Variants in UBE2N observed in about 807,000 individuals in gnomAD.
UBE2N encodes the protein ubiquitin conjugating enzyme E2 N.
For synonymous variants in UBE2N, 70 were observed against 69.2 expected (o/e 1.01, Z -0.06); for missense variants, 60 against 192.1 (o/e 0.31, Z 4.07).
At chr12:93,416,777 G>C (rs1878225696) in intron 1 of UBE2N, among the ~76,000 whole-genome samples, 1 of 150,970 alleles carries the variant, frequency 6.6e-6, no homozygotes, top group Admixed American at 6.6e-5. Flanking sequence ...CACTTTGGGA[G>C]GCTGAGGCAG....
chr12:93,432,761 C>T (rs1366581578), intron 1 of UBE2N, among the ~76,000 whole-genome samples: 1 of 152,086 alleles, frequency 6.6e-6, no homozygotes, highest in East Asian at 1.9e-4. Flanking sequence ...ACAACATAGC[C>T]AGTTGTTTTA....
intron 1 of UBE2N, among the ~76,000 whole-genome samples, chr12:93,440,244 A>G (rs1341268661): frequency 6.6e-6 from 1 of 152,202 alleles, no homozygotes; most frequent in Non-Finnish European, 1.5e-5. Flanking sequence ...GGGCCTCAAT[A>G]AACATGACCT....
intron 1 of UBE2N, among the ~76,000 whole-genome samples, chr12:93,432,695 G>A (rs542814670): frequency 4.0e-5 from 6 of 151,884 alleles, no homozygotes; most frequent in African/African-American, 1.4e-4. Flanking sequence ...TAACCAAACT[G>A]ACAGAGACAT....
intron 1 of UBE2N, among the ~76,000 whole-genome samples, chr12:93,414,574 C>T (rs1358506901): frequency 6.6e-6 from 1 of 152,098 alleles, no homozygotes; most frequent in Non-Finnish European, 1.5e-5. Flanking sequence ...CATCCCCTAA[C>T]CTTCTCTGTT....
At position 93,411,279 on chromosome 12, in the gene UBE2N, T is replaced by C. The variant is rs747879478; in HGVS notation, c.51A>G (p.Ala17=). 21 of 1,605,990 alleles carry C rather than the reference T, an allele frequency of 1.3e-5. No individual in the cohort carries two copies. Among genetic ancestry groups the C allele is most frequent in the Non-Finnish European group, 1.5e-5 (18 of 1,174,922 alleles). ...CGGCTTTGATGCCAGGAACTGGTTC[T>C]GCCAGCAAACGCTGGGTTTCCTATG... is the stretch of plus-strand genomic sequence containing the variant. The part of the protein sequence containing the change: ...RIIKETQRLL[A]EPVPGIKAEP... Residue 17 remains alanine, a synonymous_variant, in exon 2 of 4, where the codon GCA becomes GCG. Transcript: ENST00000318066.
chr12:93,419,480 A>G (rs1592743934), intron 1 of UBE2N, among the ~76,000 whole-genome samples: 1 of 152,366 alleles, frequency 6.6e-6, no homozygotes, highest in East Asian at 1.9e-4. Flanking sequence ...CACTCACAAG[A>G]TTGTGTTTGA....
At chr12:93,416,002 C>G (rs901789053) in intron 1 of UBE2N, among the ~76,000 whole-genome samples, 5 of 152,190 alleles carry the variant, frequency 3.3e-5, no homozygotes. Flanking sequence ...GTGACCTGAT[C>G]AAGCCTAGAT....
intron 1 of UBE2N, among the ~76,000 whole-genome samples, chr12:93,417,877 A>T (rs1305537159): frequency 1.3e-5 from 2 of 152,220 alleles, no homozygotes; most frequent in Non-Finnish European, 2.9e-5. Context: ...TTTGTAAGAT[A>T]AAACAAACGG....
chr12:93,439,495 G>T (rs1879038270), intron 1 of UBE2N, among the ~76,000 whole-genome samples: 1 of 152,048 alleles, frequency 6.6e-6, no homozygotes, highest in African/African-American at 2.4e-5. Context: ...AAAACAGAAA[G>T]AAAAGAAGAA....
At chr12:93,413,319 A>T (rs890943712) in intron 1 of UBE2N, among the ~76,000 whole-genome samples, 1 of 152,002 alleles carries the variant, frequency 6.6e-6, no homozygotes, top group Non-Finnish European at 1.5e-5. Context: ...CTATCTCCCA[A>T]CATCGCAACA....
At chr12:93,427,140 G>C (rs745957383) in intron 1 of UBE2N, among the ~76,000 whole-genome samples, 1 of 151,754 alleles carries the variant, frequency 6.6e-6, no homozygotes, top group Non-Finnish European at 1.5e-5. Flanking sequence ...GGCTGGTCTC[G>C]AGCTCCTGAC....
Position 93,419,197 on chromosome 12 carries a change from C to T in UBE2N, c.31-7898G>A, listed in dbSNP as rs558338164. 2.1e-3 allele frequency among the ~76,000 whole-genome samples: 313 copies of T among 152,180 alleles called. 1 individual carries two copies. The highest frequency in any genetic ancestry group is 6.6e-3 in the African/African-American group (273 of 41,530). On this transcript the variant is annotated intron_variant, in intron 1 of 3. Coordinates refer to ENST00000318066, the MANE Select transcript of UBE2N (RefSeq NM_003348.4). ...GGCAGATCACCTGAGGTCAGGAGTT[C>T]GAGACCAACATGGAGAAACCCTGTC...
Position 93,411,901 on chromosome 12 carries a change from A to T in UBE2N, c.31-602T>A, listed in dbSNP as rs370214026. On this transcript the variant is annotated intron_variant, in intron 1 of 3. Coordinates refer to ENST00000318066, the MANE Select transcript of UBE2N (RefSeq NM_003348.4). ...TAGAGACGGTATCACCCTGTTGGCCAGGCTGGTCTTGAACTCCTGGCCTCA... is the reference window on the plus strand; with the variant it reads ...TAGAGACGGTATCACCCTGTTGGCCTGGCTGGTCTTGAACTCCTGGCCTCA... Among the ~76,000 whole-genome samples the T allele has an allele frequency of 6.2e-4, 94 of 152,230 alleles. 3 individuals are homozygous for T. The South Asian group carries it at 0.019, about 31-fold the overall frequency.
At chr12:93,440,372 G>T (rs955036607) in intron 1 of UBE2N, among the ~76,000 whole-genome samples, 4 of 152,092 alleles carry the variant, frequency 2.6e-5, no homozygotes, top group African/African-American at 9.7e-5. Flanking sequence ...ACAAATTTCG[G>T]ACTATGAAGA....
rs1343366470 is a variant in UBE2N, at chr12:93,408,799, G to C, written c.*1240C>G. 4 of 152,396 alleles carry C rather than the reference G, an allele frequency of 2.6e-5. No individual in the cohort carries two copies. The highest frequency in any genetic ancestry group is 4.8e-5 in the African/African-American group (2 of 41,452). The allele number at this position is 152,396 out of a possible 1,614,324, so 9.4% of individuals were successfully genotyped here. A position where few individuals can be genotyped will look rare whatever the true frequency, so the allele number is the denominator to read the frequency against. On this transcript the variant is annotated 3_prime_UTR_variant, in exon 4 of 4. Transcript: ENST00000318066. ...AACCTTTCTGATGACACACAAGCTA[G>C]ATAGTTGAGATCTGCTCATCAGGTT... is the stretch of plus-strand genomic sequence containing the variant.
intron 1 of UBE2N, among the ~76,000 whole-genome samples, chr12:93,435,778 C>G (rs1878916891): frequency 6.6e-6 from 1 of 152,136 alleles, no homozygotes; most frequent in Non-Finnish European, 1.5e-5. Flanking sequence ...AAACTCAAGT[C>G]TCAATGTAAA....
chr12:93,413,684 GGTT>G (rs1296840531), intron 1 of UBE2N, among the ~76,000 whole-genome samples: 1 of 152,044 alleles, frequency 6.6e-6, no homozygotes, highest in East Asian at 1.9e-4. Context: ...TTGGCAAATT[GGTT>G]TTTTTTATAC....
intron 1 of UBE2N, 49 bp downstream of exon 1, chr12:93,441,806 G>A (rs1162416505): frequency 3.8e-6 from 6 of 1,573,350 alleles, no homozygotes; most frequent in Middle Eastern, 1.8e-4. Context: ...CTGCCCAGCT[G>A]AGCCGACGAG....
chr12:93,410,104 T>C (rs1235413469), intron 3 of UBE2N, 25 bp from the exon 4 acceptor site: 1 of 1,608,014 alleles, frequency 6.2e-7, no homozygotes, highest in Non-Finnish European at 8.5e-7. Flanking sequence ...AAACATACGA[T>C]TATTATTTTA....
Sources: gnomAD v4.1 joint callset for allele counts (sites outside exome capture counted in the v4.1 genomes callset) on GRCh38, gnomAD v4.1.1 for gene constraint, MANE v1.5 for transcripts, NCBI Gene and HGNC (gene_info 2026-07-23, HGNC 2026-07-21) for gene names.